Variants in KCNIP4 observed in about 807,000 individuals in gnomAD.
KCNIP4 encodes the protein Kv channel-interacting protein 4.
In KCNIP4, 12 loss-of-function variants were observed where a neutral mutation model predicts 34.0. The observed-to-expected ratio is 0.35, with a 90% CI of 0.23 to 0.57. KCNIP4 has a LOEUF of 0.57. Ranked by LOEUF, KCNIP4 falls within the 20% of genes least tolerant of loss-of-function variation. The pLI is 0.83. For synonymous variants in KCNIP4, 124 were observed against 102.2 expected (o/e 1.21, Z -1.29); for missense variants, 238 against 311.7 (o/e 0.76, Z 1.78).
chr4:21,795,735 A>G (rs1487409428), intron 1 of KCNIP4, among the ~76,000 whole-genome samples: 1 of 152,114 alleles, frequency 6.6e-6, no homozygotes, highest in African/African-American at 2.4e-5. Context: ...TCTCTGGTAA[A>G]TCTGCAACTG....
intron 1 of KCNIP4, among the ~76,000 whole-genome samples, chr4:21,172,428 G>A (rs1754081593): frequency 1.3e-5 from 2 of 152,148 alleles, no homozygotes; most frequent in Non-Finnish European, 2.9e-5. Context: ...ATAAAATTAT[G>A]TTATAGGATT....
chr4:21,412,705 G>A (rs1033663676), intron 1 of KCNIP4, among the ~76,000 whole-genome samples: 1 of 152,090 alleles, frequency 6.6e-6, no homozygotes, highest in African/African-American at 2.4e-5. Flanking sequence ...CTCATACTGG[G>A]TTTTATTTCC....
chr4:20,978,770 T>C (rs1198825400), intron 1 of KCNIP4, among the ~76,000 whole-genome samples: 1 of 152,206 alleles, frequency 6.6e-6, no homozygotes, highest in Non-Finnish European at 1.5e-5. Context: ...TTTACCATGA[T>C]GTATTATATT....
intron 1 of KCNIP4, among the ~76,000 whole-genome samples, chr4:20,985,950 A>G (rs1378099257): frequency 6.6e-6 from 1 of 152,180 alleles, no homozygotes; most frequent in African/African-American, 2.4e-5. Context: ...CTTGAAGAAT[A>G]CACTCCGTCT....
intron 1 of KCNIP4, among the ~76,000 whole-genome samples, chr4:21,510,882 T>TAA (rs112114032): frequency 1.3e-5 from 2 of 151,130 alleles, no homozygotes; most frequent in African/African-American, 4.9e-5. Flanking sequence ...ATTAAAAAAA[T>TAA]AAAAATAAAA....
intron 1 of KCNIP4, among the ~76,000 whole-genome samples, chr4:20,929,320 A>T (rs1482553375): frequency 6.6e-6 from 1 of 152,066 alleles, no homozygotes; most frequent in African/African-American, 2.4e-5. Flanking sequence ...GCATTTGACA[A>T]AGTTCAGCAT....
intron 1 of KCNIP4, among the ~76,000 whole-genome samples, chr4:21,472,451 G>A (rs531595938): frequency 1.1e-4 from 16 of 152,230 alleles, no homozygotes; most frequent in Middle Eastern, 3.4e-3. Context: ...GTGTGGGGGG[G>A]TTAATATTAC....
chr4:21,051,810 T>C (rs958772192), intron 1 of KCNIP4, among the ~76,000 whole-genome samples: 1 of 152,154 alleles, frequency 6.6e-6, no homozygotes, highest in Non-Finnish European at 1.5e-5. Context: ...AATATCAATA[T>C]GATGAGGTTT....
chr4:21,366,976 G>C (rs1719842070), intron 1 of KCNIP4, among the ~76,000 whole-genome samples: 1 of 152,148 alleles, frequency 6.6e-6, no homozygotes, highest in Admixed American at 6.5e-5. Flanking sequence ...CATGAGGACA[G>C]AGCCTCATGA....
intron 1 of KCNIP4, among the ~76,000 whole-genome samples, chr4:21,484,415 G>A (rs1018890270): frequency 7.3e-5 from 11 of 151,402 alleles, no homozygotes; most frequent in East Asian, 5.8e-4. Flanking sequence ...TGACAAGAGC[G>A]AAACTCCGTC....
chr4:21,501,248 T>TCACA (rs34406802), intron 1 of KCNIP4, among the ~76,000 whole-genome samples: 1,083 of 104,268 alleles, frequency 0.01, 6 homozygotes, highest in Non-Finnish European at 0.014. Context: ...TCTCTCTCTC[T>TCACA]CACACACACA....
intron 1 of KCNIP4, among the ~76,000 whole-genome samples, chr4:21,110,016 C>A (rs1452004200): frequency 1.3e-5 from 2 of 152,104 alleles, no homozygotes; most frequent in Non-Finnish European, 2.9e-5. Flanking sequence ...GCCTTCTGAA[C>A]CCTCATCAGG....
chr4:20,788,625 C>T (rs1436873127), intron 3 of KCNIP4, among the ~76,000 whole-genome samples: 4 of 152,158 alleles, frequency 2.6e-5, no homozygotes, highest in African/African-American at 4.8e-5. Flanking sequence ...ATAGTCCATG[C>T]TCTCAGAGAA....
At chr4:21,467,074 AC>A (rs1265243726) in intron 1 of KCNIP4, among the ~76,000 whole-genome samples, 38 of 4,270 alleles carry the variant, frequency 8.9e-3, no homozygotes, top group African/African-American at 0.032. Flanking sequence ...ACCAAAACAA[AC>A]ACACACACAC....
chr4:21,861,747 T>C (rs1725090907), intron 1 of KCNIP4, among the ~76,000 whole-genome samples: 1 of 151,866 alleles, frequency 6.6e-6, no homozygotes, highest in Non-Finnish European at 1.5e-5. Context: ...ACACCTGGAC[T>C]CACACAGTGG....
At chr4:20,732,931 A>C in intron 6 of KCNIP4, 146 bp from the exon 7 acceptor site, 1 of 579,494 alleles carries the variant, frequency 1.7e-6, no homozygotes, top group East Asian at 2.9e-5. Flanking sequence ...TGGTTGTCCC[A>C]AAGGAAAAGG....
chr4:21,806,160 C>T (rs1233341652), intron 1 of KCNIP4, among the ~76,000 whole-genome samples: 3 of 152,182 alleles, frequency 2.0e-5, no homozygotes, highest in Non-Finnish European at 4.4e-5. Context: ...CCAAACGAAG[C>T]TGCATTAGAG....
At chr4:20,735,530 G>GTTTTTTT (rs10542507) in intron 5 of KCNIP4, among the ~76,000 whole-genome samples, 1 of 109,714 alleles carries the variant, frequency 9.1e-6, no homozygotes, top group East Asian at 2.7e-4. Context: ...TTTTTTTTTT[G>GTTTTTTT]TTTTTTTTTT....
At chr4:21,242,074 G>A (rs1196022199) in intron 1 of KCNIP4, among the ~76,000 whole-genome samples, 1 of 148,048 alleles carries the variant, frequency 6.8e-6, no homozygotes, top group Non-Finnish European at 1.5e-5. Flanking sequence ...TGAGGCAGGA[G>A]AATGGCGTGA....
Sources: allele counts gnomAD v4.1 joint callset (sites outside exome capture counted in the v4.1 genomes callset), GRCh38; gene constraint gnomAD v4.1.1; transcripts MANE v1.5; gene names NCBI Gene and HGNC (gene_info 2026-07-23, HGNC 2026-07-21).